The following SERPINB9 variants were observed in gnomAD, a reference collection of about 807,000 sequenced individuals.
SERPINB9 encodes serpin family B member 9.
In SERPINB9, 20 loss-of-function variants were observed where a neutral mutation model predicts 27.2. That is an observed-to-expected ratio of 0.74 (90% confidence interval 0.52 to 1.07). The LOEUF is 1.07. Ranked by LOEUF, SERPINB9 falls within the 50% of genes least tolerant of loss-of-function variation. SERPINB9 has a pLI of 0.00. For missense variants in SERPINB9, 476 were observed against 460.1 expected (o/e 1.03, Z -0.32); for synonymous variants, 189 against 180.0 (o/e 1.05, Z -0.40).
intron 1 of SERPINB9, among the ~76,000 whole-genome samples, chr6:2,901,756 T>C (rs1411220381): frequency 1.3e-5 from 2 of 151,312 alleles, no homozygotes; most frequent in Admixed American, 6.6e-5. Context: ...GCCTGCCCTC[T>C]ACGCCCACAT....
intron 1 of SERPINB9, among the ~76,000 whole-genome samples, chr6:2,901,294 G>A (rs1193587012): frequency 6.6e-6 from 1 of 152,190 alleles, no homozygotes; most frequent in African/African-American, 2.4e-5. Flanking sequence ...ACCAGCTTCT[G>A]CACATCATGT....
Position 2,890,061 on chromosome 6 carries a change from C to T in SERPINB9, c.*102G>A. The stretch of plus-strand genomic sequence containing the variant: ...GGCAGACAGGTAAAGAATCTGCCCT[C>T]ATCTTTGCACTTGGCTTTCTAGGCC... On this transcript the variant is annotated 3_prime_UTR_variant, in exon 7 of 7. Coordinates refer to ENST00000380698, the MANE Select transcript of SERPINB9 (RefSeq NM_004155.6). The surrounding 1 kb of genome is among the most constrained non-coding windows in gnomAD (Gnocchi z 6.2). The T allele has an allele frequency of 8.5e-7, 1 of 1,181,382 alleles. No individual in the cohort carries two copies. The highest frequency in any genetic ancestry group is 1.2e-6 in the Non-Finnish European group (1 of 843,152). The allele number at this position is 1,181,382 out of a possible 1,614,324, so 73.2% of individuals were successfully genotyped here.
In SERPINB9 at chr6:2,889,975, T is replaced by C; in HGVS notation, c.*188A>G. The C allele has an allele frequency of 2.0e-6, 1 of 499,904 alleles. No individual in the cohort carries two copies. The highest frequency in any genetic ancestry group is 3.5e-6 in the Non-Finnish European group (1 of 286,264). The allele number at this position is 499,904 out of a possible 1,614,324, so 31.0% of individuals were successfully genotyped here. On this transcript the variant is annotated 3_prime_UTR_variant, in exon 7 of 7. Transcript: ENST00000380698. ...ATCATTATGGTCTATTTTCTCAAGATTCTGATTAAGTAGCATAAGCGAGTG... is the reference window on the plus strand; with the variant it reads ...ATCATTATGGTCTATTTTCTCAAGACTCTGATTAAGTAGCATAAGCGAGTG...
rs946889096 is a variant in SERPINB9, at chr6:2,894,326, G to A, written c.425-773C>T. ...GGTACTAAGCATAATTGGCGCAGAG[G>A]AGTCTGAATGGTTCATCAGACCATC... On this transcript the variant is annotated intron_variant, in intron 4 of 6. Transcript: ENST00000380698. This position sits in a 1 kb window ranked among gnomAD's most constrained non-coding sequence, Gnocchi z 4.7. Among the ~76,000 whole-genome samples, 9 of 152,284 alleles carry A rather than the reference G, an allele frequency of 5.9e-5. No homozygotes were observed. Among genetic ancestry groups the A allele is most frequent in the Admixed American group, 4.6e-4 (7 of 15,298 alleles).
rs896085126 is a variant in SERPINB9, at chr6:2,890,271, G to A, written c.1023C>T (p.Cys341=). 1 of 1,614,228 alleles carries A rather than the reference G, an allele frequency of 6.2e-7. No homozygotes were observed. ...AGAACCTGGGGCCAGATTCCATGCA[G>A]CACTCTGCAACTACAAAGCAGCTCG... The part of the protein sequence containing the change: ...AASSCFVVAE[C]CMESGPRFCA... Residue 341 remains cysteine, a synonymous_variant, in exon 7 of 7, where the codon TGC becomes TGT. Coordinates refer to ENST00000380698, the MANE Select transcript of SERPINB9 (RefSeq NM_004155.6). This position sits in a 1 kb window ranked among gnomAD's most constrained non-coding sequence, Gnocchi z 6.2.
chr6:2,893,524 A>G lies in SERPINB9; in HGVS notation c.454T>C (p.Ser152Pro), dbSNP rs748124129. 2.5e-6 allele frequency: 4 copies of G among 1,612,594 alleles called. No homozygotes were observed. Among genetic ancestry groups the G allele is most frequent in the Admixed American group, 3.3e-5 (2 of 59,852 alleles). ...GKIEELLPGS[S>P]IDAETRLVLV... ...ACCAGCCTGGTTTCTGCATCAATTGAGCTACCCGGCAACAACTCTTCAATT... is the reference window on the plus strand; with the variant it reads ...ACCAGCCTGGTTTCTGCATCAATTGGGCTACCCGGCAACAACTCTTCAATT... Residue 152 changes from serine (S) to proline (P), a missense_variant, in exon 5 of 7, where the codon TCA (serine) becomes CCA (proline). Ser to Pro is a moderately conservative substitution (Grantham distance 74). Transcript: ENST00000380698.
chr6:2,890,380 G>C lies in SERPINB9; in HGVS notation c.914C>G (p.Ala305Gly). The C allele has an allele frequency of 6.2e-7, 1 of 1,614,170 alleles. No homozygotes were observed. Among genetic ancestry groups the C allele is most frequent in the Non-Finnish European group, 8.5e-7 (1 of 1,180,028 alleles). ...CTTGGACAGACACAGGTCTCTCTCC[G>C]CTGACATTGCCGACAAGTCAGCCTT... is the stretch of plus-strand genomic sequence containing the variant. Reference protein sequence around the residue: ...QGKADLSAMSAERDLCLSKFV... With the variant: ...QGKADLSAMSGERDLCLSKFV... The change falls in exon 7 of 7, where the codon GCG becomes GGG. Residue 305 changes from alanine (A) to glycine (G), a missense_variant. By Grantham distance (60) the Ala-to-Gly change is moderately conservative. Transcript: ENST00000380698. This position sits in a 1 kb window ranked among gnomAD's most constrained non-coding sequence, Gnocchi z 6.2.
rs190240420 is a variant in SERPINB9 at position 2,894,657 on chromosome 6, A to T, written c.424+734T>A. ...GTCCACCAATCTCCTTCTCGCAGAGACAATGGAGTCACCTGACATGTGAAT... is the reference window on the plus strand; with the variant it reads ...GTCCACCAATCTCCTTCTCGCAGAGTCAATGGAGTCACCTGACATGTGAAT... On this transcript the variant is annotated intron_variant, in intron 4 of 6. Coordinates refer to ENST00000380698, the MANE Select transcript of SERPINB9 (RefSeq NM_004155.6). This position sits in a 1 kb window ranked among gnomAD's most constrained non-coding sequence, Gnocchi z 4.7. Among the ~76,000 whole-genome samples, 1 of 152,342 alleles carries T rather than the reference A, an allele frequency of 6.6e-6. No individual in the cohort carries two copies. The highest frequency in any genetic ancestry group is 1.5e-5 in the Non-Finnish European group (1 of 68,032).
At position 2,887,833 on chromosome 6, in the gene SERPINB9, T is replaced by TGA. The variant is rs1767647837; in HGVS notation, c.*2328_*2329dup. ...CTACACTCCAGCCTGGGTGACAGAG[T>TGA]GAGGCACTGTCTCAAAAAAAAAAAA... is the stretch of plus-strand genomic sequence containing the variant. On this transcript the variant is annotated 3_prime_UTR_variant, in exon 7 of 7. Coordinates refer to ENST00000380698, the MANE Select transcript of SERPINB9 (RefSeq NM_004155.6). The TGA allele has an allele frequency of 1.7e-5, 2 of 118,356 alleles. No individual in the cohort carries two copies. Among genetic ancestry groups the TGA allele is most frequent in the East Asian group, 4.6e-4 (2 of 4,366 alleles). 7.3% of individuals were successfully genotyped at this position (118,356 alleles called of 1,614,324 possible).
In SERPINB9 at chr6:2,891,832, C is replaced by G. The variant is rs957342239; in HGVS notation, c.723+1G>C. The G allele has an allele frequency of 6.3e-7, 1 of 1,595,012 alleles. No individual in the cohort carries two copies. Among genetic ancestry groups the G allele is most frequent in the Non-Finnish European group, 8.5e-7 (1 of 1,174,644 alleles). Reference sequence around the variant, plus strand: ...GGTTCTTCCCGCAGCCCGGGTCTTACCGTGCTGAGCTCCACGCCGTCGTCA... The same window carrying G: ...GGTTCTTCCCGCAGCCCGGGTCTTAGCGTGCTGAGCTCCACGCCGTCGTCA... On this transcript the variant is annotated splice_donor_variant, in intron 6 of 6. Coordinates refer to ENST00000380698, the MANE Select transcript of SERPINB9 (RefSeq NM_004155.6). LOFTEE classifies it high-confidence loss of function. This position sits in a 1 kb window ranked among gnomAD's most constrained non-coding sequence, Gnocchi z 4.0.
chr6:2,902,489 TTTG>T (rs1412043688), intron 1 of SERPINB9, among the ~76,000 whole-genome samples: 4 of 152,052 alleles, frequency 2.6e-5, no homozygotes, highest in East Asian at 1.9e-4. Context: ...GCTTTATTTT[TTTG>T]TTGTTGTTGG....
In SERPINB9 at chr6:2,900,385, C is replaced by T; in HGVS notation, c.168+59G>A. The T allele has an allele frequency of 1.9e-6, 3 of 1,582,334 alleles. No homozygotes were observed. In the South Asian group the frequency reaches 3.4e-5, roughly 18 times the overall value. ...GTGGCTCTGGAGTGTGAGTGTGAAG[C>T]TGGTGACAGAACACGCAGCCCAGGC... On this transcript the variant is annotated intron_variant, in intron 2 of 6. Coordinates refer to ENST00000380698, the MANE Select transcript of SERPINB9 (RefSeq NM_004155.6).
Position 2,888,556 on chromosome 6 carries a change from T to C in SERPINB9, c.*1607A>G, listed in dbSNP as rs1324778536. On this transcript the variant is annotated 3_prime_UTR_variant, in exon 7 of 7. Transcript: ENST00000380698. ...TATGTAAATAAATCTCAAAAACTTG[T>C]ACTAAGTGAAAGAAGCCAGACACAA... is the stretch of plus-strand genomic sequence containing the variant. 6.6e-6 allele frequency: 1 copy of C among 152,212 alleles called. No homozygotes were observed. The highest frequency in any genetic ancestry group is 1.5e-5 in the Non-Finnish European group (1 of 68,036). 9.4% of individuals were successfully genotyped at this position (152,212 alleles called of 1,614,324 possible). A position where few individuals can be genotyped will look rare whatever the true frequency, so the allele number is the denominator to read the frequency against.
rs10714355 is a variant in SERPINB9, at chr6:2,889,698, GAAAA to G, written c.*461_*464del. On this transcript the variant is annotated 3_prime_UTR_variant, in exon 7 of 7. Transcript: ENST00000380698. The stretch of plus-strand genomic sequence containing the variant: ...CGACAGAGAGCCAGACTGCGTCTCA[GAAAA>G]AAAAAAAAAAAAAAGATAAAATATA... 3.0e-5 allele frequency: 3 copies of G among 101,454 alleles called. No individual in the cohort carries two copies. Among genetic ancestry groups the G allele is most frequent in the Non-Finnish European group, 2.0e-5 (1 of 48,948 alleles). 6.3% of individuals were successfully genotyped at this position (101,454 alleles called of 1,614,324 possible). A position where few individuals can be genotyped will look rare whatever the true frequency, so the allele number is the denominator to read the frequency against.
intron 1 of SERPINB9, among the ~76,000 whole-genome samples, chr6:2,901,182 C>CGGGG (rs1459700673): frequency 2.0e-5 from 3 of 152,158 alleles, no homozygotes; most frequent in Non-Finnish European, 4.4e-5. Flanking sequence ...TGAGTGCGTC[C>CGGGG]TGGACAGCCG....
At position 2,900,531 on chromosome 6, in the gene SERPINB9, G is replaced by C; in HGVS notation, c.81C>G (p.Asn27Lys). 1 of 1,614,132 alleles carries C rather than the reference G, an allele frequency of 6.2e-7. No homozygotes were observed. The highest frequency in any genetic ancestry group is 8.5e-7 in the Non-Finnish European group (1 of 1,180,020). The change falls in exon 2 of 7, where the codon AAC (asparagine) becomes AAG (lysine). Residue 27 changes from asparagine to lysine, a missense_variant. By Grantham distance (94) the Asn-to-Lys change is moderately conservative (BLOSUM62 0). Transcript: ENST00000380698. ...AGATGCTCACAGGAGAACAGAACAC[G>C]TTGTGCGAAGGGTTATCTTGACACA... ...KILCQDNPSH[N>K]VFCSPVSISS...
intron 2 of SERPINB9, among the ~76,000 whole-genome samples, chr6:2,898,578 G>C (rs1337940263): frequency 1.3e-5 from 2 of 152,252 alleles, no homozygotes; most frequent in Non-Finnish European, 2.9e-5. Flanking sequence ...AGCACTTTGG[G>C]AGGCCAAGGC....
chr6:2,892,066 C>A, intron 5 of SERPINB9, 78 bp from the exon 6 acceptor site: 11 of 1,234,360 alleles, frequency 8.9e-6, no homozygotes, highest in East Asian at 2.9e-5. Context: ...TTTTCAGCAC[C>A]TGTGATGGAA....
chr6:2,902,751 C>T (rs1403838352), intron 1 of SERPINB9, among the ~76,000 whole-genome samples: 2 of 152,112 alleles, frequency 1.3e-5, no homozygotes, highest in Non-Finnish European at 2.9e-5. Context: ...CTCCTGATCT[C>T]CAAGGATCCG....
Sources: gnomAD v4.1 joint callset for allele counts (sites outside exome capture counted in the v4.1 genomes callset) on GRCh38, gnomAD v4.1.1 for gene constraint, Gnocchi (gnomAD v3.1) non-coding constraint, MANE v1.5 for transcripts, NCBI Gene and HGNC (gene_info 2026-07-23, HGNC 2026-07-21) for gene names.